Variants in RIN3 observed in about 807,000 individuals in gnomAD.
The protein encoded by RIN3 is Ras and Rab interactor 3.
Under a neutral mutation model 76.3 loss-of-function variants are expected in RIN3, and 54 were observed. The observed-to-expected ratio is 0.71, with a 90% CI of 0.57 to 0.89. The LOEUF (loss-of-function observed/expected upper bound fraction) is 0.89. Ranked by LOEUF, RIN3 falls within the 40% of genes least tolerant of loss-of-function variation. RIN3 has a pLI of 0.00. For missense variants in RIN3, 1,256 were observed against 1,322.1 expected (o/e 0.95, Z 0.78); for synonymous variants, 576 against 564.0 (o/e 1.02, Z -0.30).
chr14:92,606,824 T>A (rs1216391487), intron 3 of RIN3, among the ~76,000 whole-genome samples: 15 of 152,206 alleles, frequency 9.9e-5, no homozygotes, highest in Non-Finnish European at 2.2e-4. Flanking sequence ...TGCTGTCACT[T>A]TGGAAAACAG....
chr14:92,667,009 AGGTCCCCTGCCATCCACTTCCCT>A (rs1256879540), intron 7 of RIN3, among the ~76,000 whole-genome samples: 1 of 152,088 alleles, frequency 6.6e-6, no homozygotes, highest in East Asian at 1.9e-4. Flanking sequence ...ATAGATTCCC[AGGTCCCCTGCCATCCACTTCCCT>A]GGCAGAGACC....
intron 1 of RIN3, among the ~76,000 whole-genome samples, chr14:92,523,959 G>A (rs1322823274): frequency 2.0e-5 from 3 of 152,204 alleles, no homozygotes; most frequent in Non-Finnish European, 2.9e-5. Flanking sequence ...TTGGGAGGCT[G>A]AGGTGGGAGG....
In RIN3 at chr14:92,681,812, C is replaced by T. The variant is rs1220974677; in HGVS notation, c.2468-3175C>T. Among the ~76,000 whole-genome samples the T allele has an allele frequency of 2.0e-5, 3 of 152,190 alleles. No homozygotes were observed. The highest frequency in any genetic ancestry group is 4.4e-5 in the Non-Finnish European group (3 of 68,020). On this transcript the variant is annotated intron_variant, in intron 8 of 9. Coordinates refer to ENST00000216487, the MANE Select transcript of RIN3 (RefSeq NM_024832.5). The surrounding 1 kb of genome is among the most constrained non-coding windows in gnomAD (Gnocchi z 4.7). The stretch of plus-strand genomic sequence containing the variant: ...ATACGTAAGTGGTTTAGTGGTTCTT[C>T]TCTTATTAGGGACACCAAGGCAACC...
chr14:92,571,912 G>C (rs1265687039), intron 2 of RIN3, among the ~76,000 whole-genome samples: 1 of 152,198 alleles, frequency 6.6e-6, no homozygotes, highest in Non-Finnish European at 1.5e-5. Flanking sequence ...GTCCAGATGG[G>C]TCTGCAGCAT....
intron 6 of RIN3, among the ~76,000 whole-genome samples, chr14:92,657,251 T>C (rs757265544): frequency 4.5e-4 from 68 of 151,916 alleles, no homozygotes; most frequent in Non-Finnish European, 7.8e-4. Flanking sequence ...TCCCAGCTAC[T>C]CAGGAGGCTG....
At chr14:92,615,035 G>C (rs1353333654) in intron 3 of RIN3, among the ~76,000 whole-genome samples, 1 of 151,786 alleles carries the variant, frequency 6.6e-6, no homozygotes, top group East Asian at 1.9e-4. Context: ...GTAGAGACAG[G>C]TTTCACCATG....
intron 3 of RIN3, among the ~76,000 whole-genome samples, chr14:92,614,668 G>A (rs1885878974): frequency 1.3e-5 from 2 of 151,878 alleles, no homozygotes; most frequent in South Asian, 4.2e-4. Flanking sequence ...AGATCTGATG[G>A]CTTTATAAGG....
chr14:92,679,399 T>C (rs1888587259), intron 8 of RIN3, among the ~76,000 whole-genome samples: 1 of 152,160 alleles, frequency 6.6e-6, no homozygotes, highest in African/African-American at 2.4e-5. Flanking sequence ...CACGGGCACA[T>C]CCCTGCACCT....
Position 92,615,317 on chromosome 14 carries a change from C to T in RIN3, c.368-90C>T, listed in dbSNP as rs1014541208. On this transcript the variant is annotated intron_variant, in intron 3 of 9. Transcript: ENST00000216487. Reference sequence around the variant, plus strand: ...GGACCCAGAATGTGTGCAGCAGACACGCCCCCCGACCCCATCCTTGCCACC... The same window carrying T: ...GGACCCAGAATGTGTGCAGCAGACATGCCCCCCGACCCCATCCTTGCCACC... 108 of 1,054,488 alleles carry T rather than the reference C, an allele frequency of 1.0e-4. 2 individuals carry two copies. The highest frequency in any genetic ancestry group is 8.5e-4 in the Admixed American group (50 of 58,746). 65.3% of individuals were successfully genotyped at this position (1,054,488 alleles called of 1,614,324 possible).
At chr14:92,548,900 G>A (rs1039146317) in intron 1 of RIN3, among the ~76,000 whole-genome samples, 1 of 152,136 alleles carries the variant, frequency 6.6e-6, no homozygotes, top group Non-Finnish European at 1.5e-5. Flanking sequence ...CAGGTATGAG[G>A]ATGACTGAAT....
intron 1 of RIN3, 40 bp from the exon 2 acceptor site, chr14:92,555,711 C>T: frequency 6.2e-7 from 1 of 1,600,394 alleles, no homozygotes; most frequent in Non-Finnish European, 8.6e-7. Context: ...CTTCTCTGGG[C>T]TGGCTGCAGG....
At position 92,679,301 on chromosome 14, in the gene RIN3, G is replaced by A. The variant is rs75439522; in HGVS notation, c.2467+2695G>A. Among the ~76,000 whole-genome samples the A allele has an allele frequency of 1.4e-4, 21 of 152,244 alleles. No individual in the cohort carries two copies. The East Asian group carries it at 4.1e-3, about 29-fold the overall frequency. ...CCTCCTGGCAGCCCTGTCTGACCAC[G>A]GCAGTGTCACACCTTGCCCATGGCA... On this transcript the variant is annotated intron_variant, in intron 8 of 9. Coordinates refer to ENST00000216487, the MANE Select transcript of RIN3 (RefSeq NM_024832.5).
chr14:92,620,358 A>G (rs1213284274), intron 4 of RIN3, among the ~76,000 whole-genome samples: 3 of 152,200 alleles, frequency 2.0e-5, no homozygotes, highest in Non-Finnish European at 4.4e-5. Flanking sequence ...CGTTAGGCAG[A>G]GAGAGAGAAA....
rs1426694544 is a variant in RIN3, at chr14:92,684,972, C to A, written c.2468-15C>A. The A allele has an allele frequency of 6.2e-7, 1 of 1,604,102 alleles. No individual in the cohort carries two copies. Among genetic ancestry groups the A allele is most frequent in the East Asian group, 2.2e-5 (1 of 44,544 alleles). On this transcript the variant is annotated splice_polypyrimidine_tract_variant and intron_variant, in intron 8 of 9. Transcript: ENST00000216487. ...AGGCGGTCCTGGCTCAGATTCCACA[C>A]CCTTGTCCACGCAGGTTCCTACTAT...
intron 7 of RIN3, among the ~76,000 whole-genome samples, chr14:92,664,917 T>C (rs550216342): frequency 1.3e-5 from 2 of 152,362 alleles, no homozygotes; most frequent in Admixed American, 1.3e-4. Context: ...TTTTTAGAAT[T>C]TCCCCCTCAT....
intron 4 of RIN3, among the ~76,000 whole-genome samples, chr14:92,622,258 ATCC>A (rs1021478408): frequency 6.6e-6 from 1 of 152,212 alleles, no homozygotes; most frequent in Admixed American, 6.5e-5. Flanking sequence ...CCCCCAGAGC[ATCC>A]TCCTGTGGGC....
chr14:92,542,737 A>T (rs1897156056), intron 1 of RIN3, among the ~76,000 whole-genome samples: 1 of 152,248 alleles, frequency 6.6e-6, no homozygotes, highest in African/African-American at 2.4e-5. Flanking sequence ...GGCAATAAAA[A>T]GAAGTGAAAC....
At chr14:92,527,680 T>C (rs1230574907) in intron 1 of RIN3, among the ~76,000 whole-genome samples, 1 of 152,078 alleles carries the variant, frequency 6.6e-6, no homozygotes, top group Non-Finnish European at 1.5e-5. Flanking sequence ...GACCTCTTCC[T>C]CCGCAGACCC....
At chr14:92,634,972 GC>G (rs1242349035) in intron 4 of RIN3, among the ~76,000 whole-genome samples, 1 of 152,160 alleles carries the variant, frequency 6.6e-6, no homozygotes, top group Non-Finnish European at 1.5e-5. Context: ...TCTGATCCAG[GC>G]AGTCTGCAGA....
Sources: gnomAD v4.1 joint callset for allele counts (sites outside exome capture counted in the v4.1 genomes callset) on GRCh38, gnomAD v4.1.1 for gene constraint, Gnocchi (gnomAD v3.1) non-coding constraint, MANE v1.5 for transcripts, NCBI Gene and HGNC (gene_info 2026-07-23, HGNC 2026-07-21) for gene names.